UTP20: variants seen among roughly 807,000 people sequenced by gnomAD.
UTP20 encodes the protein small subunit processome component 20 homolog.
Under a neutral mutation model 329.5 loss-of-function variants are expected in UTP20, and 164 were observed. The ratio of observed to expected loss-of-function variants is 0.50; its 90% CI spans 0.44 to 0.57. The LOEUF (loss-of-function observed/expected upper bound fraction) is 0.57, where lower values mean the gene tolerates loss of function less well. Ranked by LOEUF, UTP20 falls within the 20% of genes least tolerant of loss-of-function variation. The pLI is 0.00. For synonymous variants in UTP20, 1,151 were observed against 1,159.3 expected (o/e 0.99, Z 0.14); for missense variants, 3,055 against 3,284.2 (o/e 0.93, Z 1.71).
At chr12:101,361,672 T>TAAATAAATAAATAAATAA (rs200818993) in intron 43 of UTP20, among the ~76,000 whole-genome samples, 1 of 94,132 alleles carries the variant, frequency 1.1e-5, no homozygotes, top group Non-Finnish European at 2.3e-5. Flanking sequence ...AATAAATAAA[T>TAAATAAATAAATAAATAA]AAATAAAGTT....
At chr12:101,298,554 CACAGAGGGCCTT>C (rs768287705) in intron 12 of UTP20, among the ~76,000 whole-genome samples, 16 of 152,232 alleles carry the variant, frequency 1.1e-4, no homozygotes, top group Non-Finnish European at 2.4e-4. Flanking sequence ...AGGGTCAAAT[CACAGAGGGCCTT>C]ACAGGATGAC....
rs1343121779 is a variant in UTP20 at position 101,361,860 on chromosome 12, CA to C, written c.5692-101del. 7 of 855,276 alleles carry C rather than the reference CA, an allele frequency of 8.2e-6. No individual in the cohort carries two copies. In the Admixed American group the frequency reaches 1.4e-4, roughly 17 times the overall value. The allele number at this position is 855,276 out of a possible 1,614,324, so 53.0% of individuals were successfully genotyped here. On this transcript the variant is annotated intron_variant, in intron 43 of 61. Coordinates refer to ENST00000261637, the MANE Select transcript of UTP20 (RefSeq NM_014503.3). Reference sequence around the variant, plus strand: ...CGAAGCTTCTCCTGGCAATAAAAGACATATAAACTCTGAGTGTTCTCTTTGC... The same window carrying C: ...CGAAGCTTCTCCTGGCAATAAAAGACTATAAACTCTGAGTGTTCTCTTTGC...
At position 101,320,939 on chromosome 12, in the gene UTP20, T is replaced by A; in HGVS notation, c.2915+2T>A. ...ACATCCTCATGTCCTCCCTTACAGG[T>A]AAGTTACTTGAAGCTTAAAGAACTG... On this transcript the variant is annotated splice_donor_variant, in intron 24 of 61. Transcript: ENST00000261637. LOFTEE classifies it high-confidence loss of function. 6.2e-7 allele frequency: 1 copy of A among 1,601,734 alleles called. No homozygotes were observed. Among genetic ancestry groups the A allele is most frequent in the Non-Finnish European group, 8.5e-7 (1 of 1,176,888 alleles).
At position 101,373,664 on chromosome 12, in the gene UTP20, A is replaced by G. The variant is rs746404453; in HGVS notation, c.7028A>G (p.Lys2343Arg). Residue 2343 changes from lysine (K) to arginine (R), a missense_variant, in exon 54 of 62, where the codon AAA becomes AGA. By Grantham distance (26) the Lys-to-Arg change is conservative. Transcript: ENST00000261637. ...ATCAATGATGACTCTGCCACGTGCA[A>G]AAAGATGGCATCCATGACAATCAAG... ...MTINDDSATC[K>R]KMASMTIKSL... 1 of 1,613,142 alleles carries G rather than the reference A, an allele frequency of 6.2e-7. No individual in the cohort carries two copies.
intron 21 of UTP20, among the ~76,000 whole-genome samples, chr12:101,314,325 T>C (rs6538982): frequency 0.58 from 88,648 of 152,012 alleles, 28,602 homozygotes; most frequent in East Asian, 0.94. Flanking sequence ...GTGACCTTAA[T>C]GAGTTGTTTT....
At chr12:101,373,376 A>G in intron 52 of UTP20, 25 bp from the exon 53 acceptor site, 1 of 1,601,120 alleles carries the variant, frequency 6.2e-7, no homozygotes, top group Non-Finnish European at 8.6e-7. Context: ...GATACTAACA[A>G]ATCCACCTAA....
Position 101,383,550 on chromosome 12 carries a change from G to A in UTP20, c.7937G>A (p.Cys2646Tyr). 2 of 1,612,446 alleles carry A rather than the reference G, an allele frequency of 1.2e-6. No individual in the cohort carries two copies. The highest frequency in any genetic ancestry group is 2.2e-5 in the South Asian group (2 of 90,748). The stretch of plus-strand genomic sequence containing the variant: ...AATGATCTGTACTTTCAGAGAACAT[G>A]CATCTTTAAGTTCCTCGGCGCCGTA... ...YSPRNPLKRT[C>Y]IFKFLGAVAM... is the part of the protein sequence containing the mutation. Residue 2646 changes from cysteine to tyrosine, a missense_variant, in exon 60 of 62, where the codon TGC (cysteine) becomes TAC (tyrosine). Physicochemically the swap from Cys to Tyr is radical, Grantham distance 194 (BLOSUM62 -2). Around this residue, in one of 3 missense-constraint regions of UTP20, gnomAD observed 337 missense variants for 345.5 expected, o/e 0.98. Coordinates refer to ENST00000261637, the MANE Select transcript of UTP20 (RefSeq NM_014503.3).
intron 33 of UTP20, 83 bp downstream of exon 33, chr12:101,342,672 C>T: frequency 6.5e-7 from 1 of 1,531,540 alleles, no homozygotes; most frequent in Non-Finnish European, 8.9e-7. Flanking sequence ...GGGCTTTCTT[C>T]ATGCCAGGGT....
At chr12:101,299,614 T>C (rs1191911432) in intron 12 of UTP20, 68 bp from the exon 13 acceptor site, 3 of 1,422,924 alleles carry the variant, frequency 2.1e-6, no homozygotes, top group Admixed American at 4.9e-5. Context: ...TCCAATTTTA[T>C]TTCAGACTTC....
rs752699370 is a variant in UTP20 at position 101,353,147 on chromosome 12, T to C, written c.5107+18T>C. The C allele has an allele frequency of 6.6e-7, 1 of 1,526,174 alleles. No individual in the cohort carries two copies. Among genetic ancestry groups the C allele is most frequent in the Admixed American group, 1.7e-5 (1 of 58,422 alleles). 94.5% of individuals were successfully genotyped at this position (1,526,174 alleles called of 1,614,324 possible). On this transcript the variant is annotated intron_variant, in intron 40 of 61. Coordinates refer to ENST00000261637, the MANE Select transcript of UTP20 (RefSeq NM_014503.3). Reference sequence around the variant, plus strand: ...TGAAGAAAGTAAGTTTCTTAAACTTTCTTAAACAAGATTTTCATCTTATTC... The same window carrying C: ...TGAAGAAAGTAAGTTTCTTAAACTTCCTTAAACAAGATTTTCATCTTATTC...
Position 101,369,765 on chromosome 12 carries a change from C to T in UTP20, c.6429C>T (p.Phe2143=), listed in dbSNP as rs944384097. The change falls in exon 49 of 62, where the codon TTC becomes TTT. Residue 2143 remains phenylalanine, a synonymous_variant. Transcript: ENST00000261637. ...ALQCLIWVLR[F]PLPSIETKAE... is the part of the protein sequence containing the mutation. ...AGTGCCTCATCTGGGTCTTGAGGTTCCCGCTACCTTCCATAGAAACAAAAG... is the reference window on the plus strand; with the variant it reads ...AGTGCCTCATCTGGGTCTTGAGGTTTCCGCTACCTTCCATAGAAACAAAAG... The T allele has an allele frequency of 6.2e-7, 1 of 1,606,306 alleles. No homozygotes were observed. Among genetic ancestry groups the T allele is most frequent in the South Asian group, 1.1e-5 (1 of 90,864 alleles).
intron 41 of UTP20, 54 bp downstream of exon 41, chr12:101,355,172 A>C: frequency 1.3e-6 from 2 of 1,563,760 alleles, no homozygotes; most frequent in Non-Finnish European, 1.7e-6. Context: ...GTGTTGGTGG[A>C]GCCCTGTCAC....
chr12:101,290,311 A>T (rs752166486), intron 7 of UTP20, 37 bp downstream of exon 7: 2 of 1,550,862 alleles, frequency 1.3e-6, no homozygotes, highest in Non-Finnish European at 1.7e-6. Flanking sequence ...GTCTATGTGG[A>T]TGGATGAAAC....
At chr12:101,354,202 C>T (rs1389371599) in intron 40 of UTP20, among the ~76,000 whole-genome samples, 2 of 136,040 alleles carry the variant, frequency 1.5e-5, no homozygotes, top group East Asian at 2.2e-4. Context: ...GCAGATGTTG[C>T]GGTAAGCTGA....
In UTP20 at chr12:101,308,353, G is replaced by T; in HGVS notation, c.2154+10G>T. The stretch of plus-strand genomic sequence containing the variant: ...TGGGCCGTTACAGGAGGTAAAAATA[G>T]TGTTCTTTTATTTTTCCTTTTTAAT... On this transcript the variant is annotated intron_variant, in intron 18 of 61. Coordinates refer to ENST00000261637, the MANE Select transcript of UTP20 (RefSeq NM_014503.3). The T allele has an allele frequency of 2.8e-6, 4 of 1,438,194 alleles. No homozygotes were observed. The highest frequency in any genetic ancestry group is 3.7e-6 in the Non-Finnish European group (4 of 1,092,454). 89.1% of individuals were successfully genotyped at this position (1,438,194 alleles called of 1,614,324 possible). A position where few individuals can be genotyped will look rare whatever the true frequency, so the allele number is the denominator to read the frequency against.
At chr12:101,326,106 A>G (rs1243536313) in intron 25 of UTP20, among the ~76,000 whole-genome samples, 1 of 152,234 alleles carries the variant, frequency 6.6e-6, no homozygotes, top group Non-Finnish European at 1.5e-5. Context: ...AACAGAGTTC[A>G]TCAAGTTTGT....
chr12:101,357,568 T>C (rs752814621), intron 43 of UTP20, among the ~76,000 whole-genome samples: 35 of 152,092 alleles, frequency 2.3e-4, no homozygotes, highest in Non-Finnish European at 4.1e-4. Flanking sequence ...CTGGTTAACA[T>C]AGTGAGACCT....
At chr12:101,321,892 G>T (rs1868381053) in intron 25 of UTP20, among the ~76,000 whole-genome samples, 1 of 151,518 alleles carries the variant, frequency 6.6e-6, no homozygotes, top group African/African-American at 2.4e-5. Context: ...TTACAAATGT[G>T]AGCCATCACC....
At chr12:101,333,881 C>G (rs1156872629) in intron 28 of UTP20, among the ~76,000 whole-genome samples, 3 of 152,232 alleles carry the variant, frequency 2.0e-5, no homozygotes, top group Non-Finnish European at 2.9e-5. Context: ...CCAGGCTGGT[C>G]TTGAACTCCT....
Sources: gnomAD v4.1 joint callset for allele counts (sites outside exome capture counted in the v4.1 genomes callset) on GRCh38, gnomAD v4.1.1 for gene constraint, gnomAD v4.1.1 regional missense constraint, MANE v1.5 for transcripts, NCBI Gene and HGNC (gene_info 2026-07-23, HGNC 2026-07-21) for gene names.